CNBD1: variants seen among roughly 807,000 people sequenced by gnomAD.
CNBD1 encodes the protein cyclic nucleotide-binding domain-containing protein 1.
Under a neutral mutation model 54.4 loss-of-function variants are expected in CNBD1, and 71 were observed. The ratio of observed to expected loss-of-function variants is 1.30; its 90% CI spans 1.08 to 1.59. CNBD1 has a LOEUF of 1.59. Among genes scored for constraint, CNBD1 ranks in the 40% most tolerant of loss-of-function variants. The pLI is 0.00. For synonymous variants in CNBD1, 182 were observed against 170.7 expected (o/e 1.07, Z -0.51); for missense variants, 659 against 518.0 (o/e 1.27, Z -2.64).
chr8:86,934,295 A>C (rs1195722324), intron 3 of CNBD1, among the ~76,000 whole-genome samples: 1 of 152,196 alleles, frequency 6.6e-6, no homozygotes. Flanking sequence ...TTATTCTATC[A>C]GTGCCTTCGT....
intron 4 of CNBD1, among the ~76,000 whole-genome samples, chr8:86,993,231 T>C (rs571366376): frequency 3.4e-4 from 51 of 152,208 alleles, no homozygotes; most frequent in African/African-American, 1.1e-3. Flanking sequence ...TTTTTTTTTT[T>C]CAGCTTGGTC....
At chr8:87,212,305 C>A (rs1814115802) in intron 5 of CNBD1, among the ~76,000 whole-genome samples, 1 of 152,076 alleles carries the variant, frequency 6.6e-6, no homozygotes, top group South Asian at 2.1e-4. Context: ...ACAGATTCAA[C>A]ACAATCCCTA....
At chr8:87,026,810 G>T (rs1216679975) in intron 4 of CNBD1, among the ~76,000 whole-genome samples, 1 of 152,092 alleles carries the variant, frequency 6.6e-6, no homozygotes, top group African/African-American at 2.4e-5. Flanking sequence ...AATAACTCAG[G>T]AAGTTCAGCA....
At chr8:87,367,961 G>A (rs1042441353) in intron 10 of CNBD1, among the ~76,000 whole-genome samples, 10 of 151,990 alleles carry the variant, frequency 6.6e-5, no homozygotes, top group African/African-American at 2.4e-4. Flanking sequence ...CACGAGGTCA[G>A]GAGTTTGATT....
At chr8:87,413,416 AC>A (rs1807781132) in intron 2 of CNBD1, among the ~76,000 whole-genome samples, 1 of 152,070 alleles carries the variant, frequency 6.6e-6, no homozygotes, top group African/African-American at 2.4e-5. Context: ...TCAGGTATTT[AC>A]CTTGGTAGAT....
chr8:87,223,502 T>G (rs1372494432), intron 5 of CNBD1, among the ~76,000 whole-genome samples: 3 of 151,946 alleles, frequency 2.0e-5, no homozygotes, highest in Non-Finnish European at 4.4e-5. Flanking sequence ...TTTGGTTTTT[T>G]GTTCTTGCGA....
intron 4 of CNBD1, among the ~76,000 whole-genome samples, chr8:87,029,726 A>T (rs919648277): frequency 6.6e-6 from 1 of 152,146 alleles, no homozygotes; most frequent in African/African-American, 2.4e-5. Flanking sequence ...AGGAAAAAAA[A>T]TGGATCACTG....
chr8:87,154,494 G>C lies in CNBD1; in HGVS notation c.432-51499G>C, dbSNP rs537945047. Among the ~76,000 whole-genome samples, 33 of 152,280 alleles carry C rather than the reference G, an allele frequency of 2.2e-4. No individual in the cohort carries two copies. The South Asian group carries it at 6.8e-3, about 32-fold the overall frequency. On this transcript the variant is annotated intron_variant, in intron 4 of 10. Transcript: ENST00000518476. ...CAAGGGGAATGCTTTTATTACAGTA[G>C]CATTTGTCAAAGTGTGCCTCAGTAA...
At chr8:87,157,623 C>G (rs1467003512) in intron 4 of CNBD1, among the ~76,000 whole-genome samples, 1 of 152,154 alleles carries the variant, frequency 6.6e-6, no homozygotes, top group East Asian at 1.9e-4. Flanking sequence ...TCTCCATCCC[C>G]TTTTGAAGTG....
intron 8 of CNBD1, among the ~76,000 whole-genome samples, chr8:87,314,604 GTAT>G (rs66567936): frequency 0.38 from 56,883 of 151,480 alleles, 10,921 homozygotes; most frequent in Middle Eastern, 0.44. Flanking sequence ...GGGGGAGGCA[GTAT>G]TATTATTTTT....
intron 5 of CNBD1, among the ~76,000 whole-genome samples, chr8:87,226,428 C>T (rs550986316): frequency 2.0e-3 from 295 of 149,838 alleles, no homozygotes; most frequent in Middle Eastern, 6.9e-3. Context: ...CCCAGAGATT[C>T]TGGTATGTTG....
chr8:87,139,145 G>A (rs1278608954), intron 4 of CNBD1, among the ~76,000 whole-genome samples: 2 of 152,084 alleles, frequency 1.3e-5, no homozygotes, highest in Non-Finnish European at 2.9e-5. Flanking sequence ...CAATTCCTTT[G>A]TTTATTTCTT....
intron 10 of CNBD1, among the ~76,000 whole-genome samples, chr8:87,378,181 T>G (rs142354458): frequency 0.27 from 34,775 of 127,466 alleles, 4,547 homozygotes; most frequent in Middle Eastern, 0.39. Flanking sequence ...GTCAATTTTG[T>G]CTTTTGTTGC....
In CNBD1 at chr8:87,380,098, G is replaced by A. The variant is rs143742068; in HGVS notation, c.1304-2522G>A. Among the ~76,000 whole-genome samples the A allele has an allele frequency of 4.2e-3, 634 of 151,922 alleles. 3 individuals carry two copies. The highest frequency in any genetic ancestry group is 5.1e-3 in the Non-Finnish European group (349 of 67,876). On this transcript the variant is annotated intron_variant, in intron 10 of 10. Transcript: ENST00000518476. Reference sequence around the variant, plus strand: ...ACAAAGGAACCAAATATCTGTGTTTGCTTATTATAATTACATACACAAACA... The same window carrying A: ...ACAAAGGAACCAAATATCTGTGTTTACTTATTATAATTACATACACAAACA...
At chr8:87,045,936 G>T (rs183107856) in intron 4 of CNBD1, among the ~76,000 whole-genome samples, 106 of 150,776 alleles carry the variant, frequency 7.0e-4, no homozygotes, top group Middle Eastern at 3.4e-3. Flanking sequence ...AGCTATTCAG[G>T]AAGCTGAGGC....
At position 87,358,910 on chromosome 8, in the gene CNBD1, G is replaced by A. The variant is rs74372943; in HGVS notation, c.1303+5124G>A. Reference sequence around the variant, plus strand: ...AAGAAGAGATAGACAGAATTCCTCTGCCTTTTTAATCTATTCAGGCCCGCA... The same window carrying A: ...AAGAAGAGATAGACAGAATTCCTCTACCTTTTTAATCTATTCAGGCCCGCA... On this transcript the variant is annotated intron_variant, in intron 10 of 10. Transcript: ENST00000518476. Among the ~76,000 whole-genome samples, 433 of 152,248 alleles carry A rather than the reference G, an allele frequency of 2.8e-3. 1 individual carries two copies. Among genetic ancestry groups the A allele is most frequent in the African/African-American group, 9.8e-3 (409 of 41,544 alleles).
chr8:87,297,290 T>C (rs1808896999), intron 8 of CNBD1, among the ~76,000 whole-genome samples: 1 of 152,074 alleles, frequency 6.6e-6, no homozygotes, highest in South Asian at 2.1e-4. Context: ...TTTTTCATAT[T>C]TTGTTTTCAT....
chr8:87,417,628 A>C (rs916678270), intron 2 of CNBD1, among the ~76,000 whole-genome samples: 9 of 151,986 alleles, frequency 5.9e-5, no homozygotes, highest in African/African-American at 1.9e-4. Flanking sequence ...AAAGCCAATT[A>C]ATTATTTTGG....
chr8:87,273,695 C>A (rs1157507769), intron 6 of CNBD1, among the ~76,000 whole-genome samples: 1 of 151,956 alleles, frequency 6.6e-6, no homozygotes, highest in Non-Finnish European at 1.5e-5. Context: ...CCTTTTCTTG[C>A]ACTCTTATCT....
Sources: allele counts gnomAD v4.1 joint callset (sites outside exome capture counted in the v4.1 genomes callset), GRCh38; gene constraint gnomAD v4.1.1; transcripts MANE v1.5; gene names NCBI Gene and HGNC (gene_info 2026-07-23, HGNC 2026-07-21).